Variants in CBR4 observed in about 807,000 individuals in gnomAD.
The protein encoded by CBR4 is carbonyl reductase 4.
CBR4 carries 22 observed loss-of-function variants against 21.0 expected under a neutral mutation model. That is an observed-to-expected ratio of 1.05 (90% CI 0.75 to 1.50). The LOEUF (loss-of-function observed/expected upper bound fraction) is 1.50, where lower values mean the gene tolerates loss of function less well. CBR4 is among the 40% of genes most tolerant of loss of function. The pLI is 0.00. For synonymous variants in CBR4, 100 were observed against 104.4 expected (o/e 0.96, Z 0.26); for missense variants, 302 against 286.3 (o/e 1.05, Z -0.40).
At chr4:168,950,742 G>T (rs1763517555) in intron 2 of CBR4, among the ~76,000 whole-genome samples, 1 of 152,118 alleles carries the variant, frequency 6.6e-6, no homozygotes, top group Non-Finnish European at 1.5e-5. Flanking sequence ...AGGTCTGTTA[G>T]TAATTGTTTT....
At position 168,914,007 on chromosome 4, in the gene CBR4, T is replaced by C; in HGVS notation, n.170-19242A>G. 1 of 1,602,472 alleles carries C rather than the reference T, an allele frequency of 6.2e-7. No individual in the cohort carries two copies. Among genetic ancestry groups the C allele is most frequent in the Non-Finnish European group, 8.6e-7 (1 of 1,169,450 alleles). On this transcript the variant is annotated intron_variant and non_coding_transcript_variant, in intron 2 of 3. Coordinates refer to the CBR4 transcript ENST00000509108. ...GAAGTCCCCGGTCTCCCTCAGGCCATCCTCATGTCAGAAGGTATTTAACAT... is the reference window on the plus strand; with the variant it reads ...GAAGTCCCCGGTCTCCCTCAGGCCACCCTCATGTCAGAAGGTATTTAACAT...
chr4:169,006,271 C>A (rs1374021574), intron 3 of CBR4, among the ~76,000 whole-genome samples: 1 of 151,894 alleles, frequency 6.6e-6, no homozygotes, highest in Admixed American at 6.6e-5. Context: ...CCCAGCACTT[C>A]GGGAGGATCA....
intron 2 of CBR4, among the ~76,000 whole-genome samples, chr4:168,977,360 G>A (rs1287959225): frequency 6.6e-6 from 1 of 152,126 alleles, no homozygotes; most frequent in Admixed American, 6.5e-5. Context: ...GCTTTCTCCT[G>A]ATTTTCTACT....
intron 2 of CBR4, among the ~76,000 whole-genome samples, chr4:168,974,288 G>A (rs973097895): frequency 1.3e-5 from 2 of 152,222 alleles, no homozygotes; most frequent in African/African-American, 4.8e-5. Context: ...CTGGAAATCC[G>A]ATAGGTTTTC....
intron 2 of CBR4, among the ~76,000 whole-genome samples, chr4:168,910,010 C>G (rs1758583092): frequency 6.6e-6 from 1 of 152,076 alleles, no homozygotes. Context: ...CTCCTGAAGA[C>G]CACACCTTCC....
At chr4:168,913,950 G>A in intron 2 of CBR4, 1 of 1,612,582 alleles carries the variant, frequency 6.2e-7, no homozygotes, top group Non-Finnish European at 8.5e-7. Flanking sequence ...GTACTGGACG[G>A]CTAATGGTAC....
chr4:168,904,516 C>T (rs1340926114), intron 2 of CBR4, among the ~76,000 whole-genome samples: 1 of 152,096 alleles, frequency 6.6e-6, no homozygotes, highest in Non-Finnish European at 1.5e-5. Context: ...CCAGTTCGAG[C>T]CTGCAAATTC....
intron 2 of CBR4, among the ~76,000 whole-genome samples, chr4:168,899,992 G>A (rs548093803): frequency 8.5e-5 from 13 of 152,074 alleles, no homozygotes; most frequent in African/African-American, 2.2e-4. Flanking sequence ...TGTAGTACCA[G>A]AATCTTCTCC....
intron 3 of CBR4, among the ~76,000 whole-genome samples, chr4:169,004,895 T>C (rs1414806063): frequency 1.3e-5 from 2 of 152,220 alleles, no homozygotes; most frequent in African/African-American, 4.8e-5. Flanking sequence ...ATATCAACTA[T>C]ATGCAAATAA....
intron 2 of CBR4, chr4:168,921,473 C>A: frequency 9.2e-7 from 1 of 1,088,016 alleles, no homozygotes; most frequent in Non-Finnish European, 1.4e-6. Context: ...GACTTCTTAG[C>A]TACCAGTGAT....
chr4:169,005,195 A>T (rs1373075264), intron 3 of CBR4: 1 of 152,216 alleles, frequency 6.6e-6, no homozygotes, highest in African/African-American at 2.4e-5. Flanking sequence ...CAGAAAGAAA[A>T]ATACAGAGAC....
At chr4:168,944,304 T>TA (rs200970583) in intron 2 of CBR4, among the ~76,000 whole-genome samples, 2,451 of 151,516 alleles carry the variant, frequency 0.016, 57 homozygotes, top group African/African-American at 0.04. Context: ...ATAAATAAAA[T>TA]AAAATAAAAA....
intron 2 of CBR4, among the ~76,000 whole-genome samples, chr4:168,966,133 T>C (rs111890949): frequency 0.022 from 3,339 of 151,676 alleles, 58 homozygotes; most frequent in Middle Eastern, 0.041. Flanking sequence ...CCAACAAACA[T>C]ACGAAAAAAA....
downstream of CBR4, among the ~76,000 whole-genome samples, chr4:168,982,753 A>T (rs866649837): frequency 6.6e-5 from 10 of 152,300 alleles, no homozygotes; most frequent in Admixed American, 2.6e-4. Flanking sequence ...ACAGAAATCA[A>T]TACTGACAAG....
intron 2 of CBR4, chr4:168,898,213 C>G (rs1194323227): frequency 2.1e-6 from 1 of 465,834 alleles, no homozygotes; most frequent in African/African-American, 2.0e-5. Flanking sequence ...CTTTCCTTCC[C>G]CTTGTTTCCC....
chr4:168,966,243 G>A (rs1293668115), intron 2 of CBR4, among the ~76,000 whole-genome samples: 3 of 151,444 alleles, frequency 2.0e-5, no homozygotes, highest in Non-Finnish European at 2.9e-5. Context: ...GTCAGGAAAC[G>A]TGGCTCACGA....
chr4:168,961,590 GA>G (rs1343625334), intron 2 of CBR4, among the ~76,000 whole-genome samples: 1 of 151,922 alleles, frequency 6.6e-6, no homozygotes, highest in Non-Finnish European at 1.5e-5. Context: ...ATATTTAAAA[GA>G]AAAGAAAAGA....
intron 4 of CBR4, among the ~76,000 whole-genome samples, chr4:168,993,527 A>G (rs1240415610): frequency 1.3e-5 from 2 of 152,168 alleles, no homozygotes; most frequent in Non-Finnish European, 2.9e-5. Context: ...AGTATTTTCA[A>G]AAGTGCCTCA....
chr4:168,920,097 A>AC, intron 2 of CBR4, among the ~76,000 whole-genome samples: 1 of 152,140 alleles, frequency 6.6e-6, no homozygotes, highest in Non-Finnish European at 1.5e-5. Flanking sequence ...TAGATGTGGG[A>AC]ACAACAAGGA....
Sources: gnomAD v4.1 joint callset for allele counts (sites outside exome capture counted in the v4.1 genomes callset) on GRCh38, gnomAD v4.1.1 for gene constraint, MANE v1.5 for transcripts, NCBI Gene and HGNC (gene_info 2026-07-23, HGNC 2026-07-21) for gene names.